Variants in KCNIP4 observed in about 807,000 individuals in gnomAD.
KCNIP4 encodes potassium voltage-gated channel interacting protein 4, also known as Kv channel-interacting protein 4.
Under a neutral mutation model 34.0 loss-of-function variants are expected in KCNIP4, and 12 were observed. That is an observed-to-expected ratio of 0.35 (90% CI 0.23 to 0.57). The LOEUF (loss-of-function observed/expected upper bound fraction) is 0.57. KCNIP4 is among the 20% of genes least tolerant of loss of function. KCNIP4 has a pLI of 0.83. For synonymous variants in KCNIP4, 124 were observed against 102.2 expected, an observed-to-expected ratio of 1.21 and a Z score of -1.29; for missense variants, 238 against 311.7, an observed-to-expected ratio of 0.76 and a Z score of 1.78.
At chr4:21,044,555 C>T (rs1380286031) in intron 1 of KCNIP4, among the ~76,000 whole-genome samples, 1 of 152,160 alleles carries the variant, frequency 6.6e-6, no homozygotes, top group Admixed American at 6.5e-5. Flanking sequence ...CATGATCCAC[C>T]CGCCTTGGCC....
intron 1 of KCNIP4, among the ~76,000 whole-genome samples, chr4:21,825,425 G>A (rs1722619319): frequency 6.6e-6 from 1 of 152,098 alleles, no homozygotes; most frequent in Admixed American, 6.6e-5. Context: ...GGTATTTGTA[G>A]ACGATGATAT....
At position 21,384,068 on chromosome 4, in the gene KCNIP4, T is replaced by A. The variant is rs74601209; in HGVS notation, c.62-501359A>T. Among the ~76,000 whole-genome samples the A allele has an allele frequency of 5.6e-3, 855 of 152,192 alleles. 7 individuals are homozygous for A. The highest frequency in any genetic ancestry group is 0.02 in the African/African-American group (828 of 41,532). ...CAGTCCTACCTCACAGCCTTGTACT[T>A]GTTCTTCCCTCTATCCAGAATACAC... On this transcript the variant is annotated intron_variant, in intron 1 of 8. Transcript: ENST00000382152.
intron 1 of KCNIP4, among the ~76,000 whole-genome samples, chr4:21,572,652 G>C (rs565843901): frequency 1.4e-5 from 2 of 140,170 alleles, no homozygotes; most frequent in Admixed American, 7.2e-5. Context: ...TTTTTTTTGA[G>C]ACTTGCTTTG....
At chr4:21,095,802 A>G (rs1747412966) in intron 1 of KCNIP4, among the ~76,000 whole-genome samples, 2 of 152,150 alleles carry the variant, frequency 1.3e-5, no homozygotes, top group South Asian at 4.1e-4. Context: ...CGGAAAAGGC[A>G]GGTGCAGCAG....
intron 1 of KCNIP4, among the ~76,000 whole-genome samples, chr4:21,435,930 G>A (rs1726908261): frequency 6.6e-6 from 1 of 152,098 alleles, no homozygotes; most frequent in South Asian, 2.1e-4. Flanking sequence ...GCGTTGGATA[G>A]AACAGATTCG....
intron 1 of KCNIP4, among the ~76,000 whole-genome samples, chr4:21,249,006 C>T (rs1760492389): frequency 6.6e-6 from 1 of 152,092 alleles, no homozygotes. Context: ...ATTTTCTCTA[C>T]AAAACAGTGA....
intron 1 of KCNIP4, among the ~76,000 whole-genome samples, chr4:21,259,122 A>C (rs1285678217): frequency 6.6e-6 from 1 of 152,168 alleles, no homozygotes; most frequent in African/African-American, 2.4e-5. Context: ...CTGTGATTTG[A>C]ATCCAGGACT....
At chr4:21,316,486 G>A (rs763593081) in intron 1 of KCNIP4, 38 of 152,140 alleles carry the variant, frequency 2.5e-4, no homozygotes, top group Non-Finnish European at 3.8e-4. Context: ...TTCACATTAA[G>A]CATTTCAGGT....
At chr4:21,814,431 A>G (rs1454943361) in intron 1 of KCNIP4, among the ~76,000 whole-genome samples, 6 of 152,036 alleles carry the variant, frequency 3.9e-5, no homozygotes, top group African/African-American at 1.4e-4. Context: ...ATGAGATCTC[A>G]TGGTTTTATA....
intron 1 of KCNIP4, among the ~76,000 whole-genome samples, chr4:21,117,551 C>A (rs1305362077): frequency 6.6e-6 from 1 of 152,088 alleles, no homozygotes; most frequent in African/African-American, 2.4e-5. Flanking sequence ...AATTGATTTA[C>A]CCTGACCAAA....
At chr4:21,168,429 G>A (rs1482003337) in intron 1 of KCNIP4, among the ~76,000 whole-genome samples, 1 of 152,148 alleles carries the variant, frequency 6.6e-6, no homozygotes, top group Non-Finnish European at 1.5e-5. Context: ...CCAAAAAGAA[G>A]TATCCATACC....
intron 1 of KCNIP4, among the ~76,000 whole-genome samples, chr4:21,708,324 C>CT (rs1265329439): frequency 6.6e-6 from 1 of 151,992 alleles, no homozygotes; most frequent in Non-Finnish European, 1.5e-5. Context: ...AATGTTTGGC[C>CT]TATTTGCATC....
chr4:21,893,946 A>C (rs1727241973), intron 1 of KCNIP4, among the ~76,000 whole-genome samples: 2 of 152,138 alleles, frequency 1.3e-5, no homozygotes, highest in African/African-American at 4.8e-5. Context: ...ATAACCTTGA[A>C]AATAATCTAG....
intron 1 of KCNIP4, among the ~76,000 whole-genome samples, chr4:20,939,935 T>A (rs1481958878): frequency 6.6e-6 from 1 of 152,222 alleles, no homozygotes; most frequent in South Asian, 2.1e-4. Context: ...AACTTAGTTC[T>A]CAACCTTGAG....
At chr4:21,210,735 C>T (rs1757166240) in intron 1 of KCNIP4, among the ~76,000 whole-genome samples, 1 of 152,102 alleles carries the variant, frequency 6.6e-6, no homozygotes, top group South Asian at 2.1e-4. Context: ...CCACCTTCAG[C>T]CCATGAAGAC....
chr4:21,934,247 C>T (rs960000387), intron 1 of KCNIP4, among the ~76,000 whole-genome samples: 7 of 152,044 alleles, frequency 4.6e-5, no homozygotes, highest in African/African-American at 1.2e-4. Flanking sequence ...GCACTTCCAA[C>T]GACTAGGCTG....
rs577202373 is a variant in KCNIP4 at position 21,547,652 on chromosome 4, A to G, written c.61+400919T>C. Among the ~76,000 whole-genome samples, 75 of 152,218 alleles carry G rather than the reference A, an allele frequency of 4.9e-4. 1 individual carries two copies. The highest frequency in any genetic ancestry group is 1.7e-3 in the African/African-American group (70 of 41,552). ...CACAAAACTGCTTTTGGGGAAGGCT[A>G]CGATTTCTAAACAATCTCAGATACA... On this transcript the variant is annotated intron_variant, in intron 1 of 8. Transcript: ENST00000382152.
chr4:21,524,944 A>T (rs1188670503), intron 1 of KCNIP4, among the ~76,000 whole-genome samples: 5 of 152,142 alleles, frequency 3.3e-5, no homozygotes, highest in Admixed American at 3.3e-4. Flanking sequence ...TCACTTTGCT[A>T]TGTTAGTTAT....
At chr4:20,881,859 T>C (rs1249161428) in intron 2 of KCNIP4, among the ~76,000 whole-genome samples, 6 of 152,178 alleles carry the variant, frequency 3.9e-5, no homozygotes, top group East Asian at 1.9e-4. Flanking sequence ...ATCTAATCAG[T>C]TGAGGCTTCC....
Sources: gnomAD v4.1 joint callset for allele counts (sites outside exome capture counted in the v4.1 genomes callset) on GRCh38, gnomAD v4.1.1 for gene constraint, MANE v1.5 for transcripts, NCBI Gene and HGNC (gene_info 2026-07-23, HGNC 2026-07-21) for gene names.